Variants in ACP3 observed in about 807,000 individuals in gnomAD.
The protein encoded by ACP3 is prostatic acid phosphatase.
Under a neutral mutation model 45.6 loss-of-function variants are expected in ACP3, and 38 were observed. The observed-to-expected ratio is 0.83, with a 90% CI of 0.64 to 1.09. ACP3 has a LOEUF of 1.09. ACP3 is among the 50% of genes least tolerant of loss of function. The pLI is 0.00. For synonymous variants in ACP3, 162 were observed against 164.7 expected (o/e 0.98, Z 0.13); for missense variants, 466 against 463.2 (o/e 1.01, Z -0.05).
chr3:132,354,134 C>A (rs139515966), intron 9 of ACP3, among the ~76,000 whole-genome samples: 1 of 152,124 alleles, frequency 6.6e-6, no homozygotes, highest in Non-Finnish European at 1.5e-5. Flanking sequence ...ATAACAAGCC[C>A]GGCACAAGTC....
In ACP3 at chr3:132,337,564, T is replaced by C. The variant is rs1410168917; in HGVS notation, c.555+10T>C. 4 of 1,541,094 alleles carry C rather than the reference T, an allele frequency of 2.6e-6. No individual in the cohort carries two copies. The highest frequency in any genetic ancestry group is 3.6e-6 in the Non-Finnish European group (4 of 1,120,174). The stretch of plus-strand genomic sequence containing the variant: ...GCTGCACCCTTATAAGGTTAAAAGC[T>C]AGTTTTGTTTAGTGGTACTTGTTAG... On this transcript the variant is annotated intron_variant, in intron 5 of 9. Transcript: ENST00000336375.
exon 11 of ACP3, chr3:132,367,955 G>A: frequency 4.2e-6 from 3 of 706,144 alleles, no homozygotes; most frequent in Admixed American, 2.2e-5. Context: ...GCCCAGAGCA[G>A]GGTCTGAACT....
chr3:132,327,835 G>A, intron 1 of ACP3, among the ~76,000 whole-genome samples: 1 of 152,124 alleles, frequency 6.6e-6, no homozygotes, highest in East Asian at 1.9e-4. Context: ...AATCATTAAG[G>A]GAAGAATACT....
intron 6 of ACP3, 47 bp from the exon 7 acceptor site, chr3:132,344,880 A>T (rs1277965373): frequency 6.3e-7 from 1 of 1,598,198 alleles, no homozygotes; most frequent in Non-Finnish European, 8.5e-7. Context: ...CAAAGAGGAC[A>T]GTCATATAAA....
In ACP3 at chr3:132,341,690, C is replaced by T. The variant is rs192165813; in HGVS notation, c.556-862C>T. 2.9e-4 allele frequency among the ~76,000 whole-genome samples: 44 copies of T among 152,300 alleles called. 1 individual carries two copies. Among genetic ancestry groups the T allele is most frequent in the African/African-American group, 1.0e-3 (43 of 41,562 alleles). ...TAAAATAGCATTAGAATAATTTACT[C>T]TTGAAAAGCTTGGTAGAATTCCTCT... On this transcript the variant is annotated intron_variant, in intron 5 of 9. Transcript: ENST00000336375.
intron 6 of ACP3, among the ~76,000 whole-genome samples, chr3:132,343,313 C>T (rs1210946478): frequency 6.6e-6 from 1 of 152,134 alleles, no homozygotes; most frequent in Admixed American, 6.6e-5. Context: ...TTGAGGTCAT[C>T]GTGAGAGTCT....
chr3:132,323,231 T>C (rs1937236714), intron 1 of ACP3, among the ~76,000 whole-genome samples: 1 of 151,246 alleles, frequency 6.6e-6, no homozygotes, highest in Admixed American at 6.6e-5. Context: ...TCAAAAACCC[T>C]CATGAAATGA....
intron 1 of ACP3, among the ~76,000 whole-genome samples, chr3:132,323,033 A>G (rs1937233331): frequency 6.6e-6 from 1 of 152,214 alleles, no homozygotes; most frequent in African/African-American, 2.4e-5. Context: ...CAGCTGCCTG[A>G]TCTTGGACTT....
chr3:132,330,439 G>A (rs1445332894), intron 2 of ACP3, among the ~76,000 whole-genome samples: 1 of 152,152 alleles, frequency 6.6e-6, no homozygotes, highest in African/African-American at 2.4e-5. Context: ...AATACCCAGT[G>A]AACCATAAAC....
intron 9 of ACP3, among the ~76,000 whole-genome samples, chr3:132,356,147 G>T (rs1235435588): frequency 6.6e-6 from 1 of 152,022 alleles, no homozygotes; most frequent in East Asian, 1.9e-4. Context: ...TTGTTCTGAG[G>T]GATAATTTTC....
Position 132,367,782 on chromosome 3 carries a change from G to A in ACP3, c.1217G>A (p.Arg406His), listed in dbSNP as rs762739573. 18 of 1,613,460 alleles carry A rather than the reference G, an allele frequency of 1.1e-5. 1 individual carries two copies. Among genetic ancestry groups the A allele is most frequent in the Middle Eastern group, 3.3e-4 (2 of 6,084 alleles). The change falls in exon 11 of 11, where the codon CGT (arginine) becomes CAT (histidine). Residue 406 changes from arginine to histidine, a missense_variant. Coordinates refer to the ACP3 transcript ENST00000351273. ...GTACTACTGTTTATCCACATTCGCC[G>A]TGGACTCTGCTGGCAGAGAGAATCC...
chr3:132,327,436 C>T (rs569660312), intron 1 of ACP3, among the ~76,000 whole-genome samples: 1 of 151,456 alleles, frequency 6.6e-6, no homozygotes, highest in Non-Finnish European at 1.5e-5. Context: ...ATCACTTGAA[C>T]CTGGGAGGCA....
intron 8 of ACP3, among the ~76,000 whole-genome samples, chr3:132,351,418 A>G (rs1408959800): frequency 6.6e-6 from 1 of 152,218 alleles, no homozygotes; most frequent in Non-Finnish European, 1.5e-5. Context: ...AGGACATAGC[A>G]TGCTGACTCC....
Position 132,332,267 on chromosome 3 carries a change from G to C in ACP3, c.379G>C (p.Glu127Gln). 1.9e-6 allele frequency: 3 copies of C among 1,614,118 alleles called. No homozygotes were observed. The highest frequency in any genetic ancestry group is 2.5e-6 in the Non-Finnish European group (3 of 1,180,000). ...MTNLAALFPPEGVSIWNPILL... is the reference protein window; with the variant it reads ...MTNLAALFPPQGVSIWNPILL... Reference sequence around the variant, plus strand: ...AAACCTGGCAGCCCTGTTTCCCCCAGAAGGTGTCAGCATCTGGAATCCTAT... The same window carrying C: ...AAACCTGGCAGCCCTGTTTCCCCCACAAGGTGTCAGCATCTGGAATCCTAT... The change falls in exon 4 of 10, where the codon GAA becomes CAA. Residue 127 changes from glutamate to glutamine, a missense_variant. Coordinates refer to ENST00000336375, the MANE Select transcript of ACP3 (RefSeq NM_001099.5).
At position 132,353,332 on chromosome 3, in the gene ACP3, G is replaced by A. The variant is rs76135784; in HGVS notation, c.968+509G>A. ...ACCCATTAGAAGGGTCAAAGTTAGC[G>A]TAGCCAAATGTCCCAGTTCACCAGA... is the stretch of plus-strand genomic sequence containing the variant. On this transcript the variant is annotated intron_variant, in intron 9 of 9. Coordinates refer to ENST00000336375, the MANE Select transcript of ACP3 (RefSeq NM_001099.5). 1.9e-3 allele frequency among the ~76,000 whole-genome samples: 283 copies of A among 152,272 alleles called. 1 individual carries two copies. Among genetic ancestry groups the A allele is most frequent in the Middle Eastern group, 0.01 (3 of 294 alleles).
At position 132,322,258 on chromosome 3, in the gene ACP3, A is replaced by G. The variant is rs1375326912; in HGVS notation, c.120+4682A>G. Among the ~76,000 whole-genome samples, 5 of 152,304 alleles carry G rather than the reference A, an allele frequency of 3.3e-5. No individual in the cohort carries two copies. In the South Asian group the frequency reaches 1.0e-3, roughly 32 times the overall value. On this transcript the variant is annotated intron_variant, in intron 1 of 9. Transcript: ENST00000336375. The stretch of plus-strand genomic sequence containing the variant: ...CCTCTGTGTTCGTCCCAGTCTCTGG[A>G]TCAAAGTCTTATTAGACTTGTCCTG...
At chr3:132,349,526 G>C (rs1026013243) in intron 7 of ACP3, among the ~76,000 whole-genome samples, 1 of 152,164 alleles carries the variant, frequency 6.6e-6, no homozygotes, top group African/African-American at 2.4e-5. Flanking sequence ...AAGAACATGG[G>C]CTAAGAATTA....
At chr3:132,354,265 C>T (rs1466711260) in intron 9 of ACP3, among the ~76,000 whole-genome samples, 6 of 152,024 alleles carry the variant, frequency 3.9e-5, no homozygotes, top group Admixed American at 1.3e-4. Flanking sequence ...TGACTCTACT[C>T]GTACCTCCCT....
intron 2 of ACP3, 70 bp from the exon 3 acceptor site, chr3:132,331,577 C>T: frequency 7.8e-7 from 1 of 1,275,078 alleles, no homozygotes; most frequent in Admixed American, 2.5e-5. Context: ...AAAAAATCAA[C>T]AAATTTTTAT....
Sources: allele counts gnomAD v4.1 joint callset (sites outside exome capture counted in the v4.1 genomes callset), GRCh38; gene constraint gnomAD v4.1.1; transcripts MANE v1.5; gene names NCBI Gene and HGNC (gene_info 2026-07-23, HGNC 2026-07-21).